MRI1: variants seen among roughly 807,000 people sequenced by gnomAD.
MRI1 encodes the protein methylthioribose-1-phosphate isomerase.
Under a neutral mutation model 27.3 loss-of-function variants are expected in MRI1, and 32 were observed. That is an observed-to-expected ratio of 1.17 (90% confidence interval 0.88 to 1.57). The LOEUF is 1.57. Among genes scored for constraint, MRI1 ranks in the 40% most tolerant of loss-of-function variants. The probability of loss-of-function intolerance (pLI) is 0.00; values close to 1 mark genes in which losing one functional copy is unlikely to be tolerated. For synonymous variants in MRI1, 216 were observed against 227.4 expected (o/e 0.95, Z 0.45); for missense variants, 508 against 516.1 (o/e 0.98, Z 0.15).
At chr19:13,767,244 A>G (rs1020888441) in intron 3 of MRI1, among the ~76,000 whole-genome samples, 2 of 151,250 alleles carry the variant, frequency 1.3e-5, no homozygotes, top group African/African-American at 4.9e-5. Flanking sequence ...ACGGGGTTTC[A>G]CGACATTGGC....
At chr19:13,770,379 G>T (rs953797252) in intron 5 of MRI1, among the ~76,000 whole-genome samples, 1 of 152,022 alleles carries the variant, frequency 6.6e-6, no homozygotes, top group South Asian at 2.1e-4. Flanking sequence ...GAGGTCAGGC[G>T]TTCCAGACCA....
Position 13,769,032 on chromosome 19 carries a change from C to A in MRI1, c.933C>A (p.Val311=), listed in dbSNP as rs1004119573. ...PGQELTDVNG[V]RIAAPGIGVW... ...AGGAGCTGACCGATGTTAATGGGGTCCGGATTGCAGCACCTGGTAAGCTGC... is the reference window on the plus strand; with the variant it reads ...AGGAGCTGACCGATGTTAATGGGGTACGGATTGCAGCACCTGGTAAGCTGC... Residue 311 remains valine (V), a synonymous_variant, in exon 5 of 6, where the codon GTC becomes GTA. Coordinates refer to ENST00000040663, the MANE Select transcript of MRI1 (RefSeq NM_001031727.4). 1.9e-6 allele frequency: 3 copies of A among 1,609,832 alleles called. No individual in the cohort carries two copies. Among genetic ancestry groups the A allele is most frequent in the African/African-American group, 2.7e-5 (2 of 74,874 alleles).
chr19:13,771,964 A>G (rs1001007266), intron 5 of MRI1, among the ~76,000 whole-genome samples, 157 bp from the exon 6 acceptor site: 2 of 152,216 alleles, frequency 1.3e-5, no homozygotes, highest in African/African-American at 4.8e-5. Context: ...TATTGAGTAC[A>G]ATGTCCATGC....
chr19:13,772,086 T>C, intron 5 of MRI1, 35 bp from the exon 6 acceptor site: 1 of 1,567,590 alleles, frequency 6.4e-7, no homozygotes, highest in East Asian at 2.3e-5. Flanking sequence ...CAGAAGCAAA[T>C]TCTTGCCTCC....
In MRI1 at chr19:13,768,582, G is replaced by A. The variant is rs1354117594; in HGVS notation, c.569G>A (p.Ser190Asn). 7 of 1,608,872 alleles carry A rather than the reference G, an allele frequency of 4.4e-6. No homozygotes were observed. Among genetic ancestry groups the A allele is most frequent in the Non-Finnish European group, 5.1e-6 (6 of 1,178,312 alleles). ...TALGVIRSLH[S>N]LGRLEHAFCT... ...GCAGGTGTGATTCGCTCACTGCACA[G>A]CCTGGGCCGCCTGGAGCATGCCTTC... The change falls in exon 4 of 6, where the codon AGC (serine) becomes AAC (asparagine). Residue 190 changes from serine (S) to asparagine (N), a missense_variant. Coordinates refer to ENST00000040663, the MANE Select transcript of MRI1 (RefSeq NM_001031727.4).
chr19:13,768,487 A>C (rs1599554504), intron 3 of MRI1, 74 bp from the exon 4 acceptor site: 1 of 1,588,370 alleles, frequency 6.3e-7, no homozygotes, highest in African/African-American at 1.3e-5. Context: ...AGGAGCCTGC[A>C]CCCCTAACCA....
At chr19:13,766,851 G>A (rs1000498029) in intron 3 of MRI1, among the ~76,000 whole-genome samples, 1 of 151,556 alleles carries the variant, frequency 6.6e-6, no homozygotes. Context: ...GGGTCCCAGG[G>A]AAGCAGAAGG....
At chr19:13,768,361 G>A (rs773659295) in intron 3 of MRI1, 200 bp from the exon 4 acceptor site, 15 of 1,431,792 alleles carry the variant, frequency 1.0e-5, no homozygotes, top group Admixed American at 9.8e-5. Context: ...TTAAACAGAC[G>A]TGAAACGGAG....
intron 5 of MRI1, among the ~76,000 whole-genome samples, chr19:13,771,436 C>T (rs1974266711): frequency 6.6e-6 from 1 of 152,052 alleles, no homozygotes; most frequent in African/African-American, 2.4e-5. Flanking sequence ...GAGGCTGCAG[C>T]AGGAGAATCG....
In MRI1 at chr19:13,764,992, T is replaced by C; in HGVS notation, c.254T>C (p.Phe85Ser). The change falls in exon 2 of 6, where the codon TTC becomes TCC. Residue 85 changes from phenylalanine to serine, a missense_variant. Phe to Ser is a radical substitution (Grantham distance 155, BLOSUM62 -2). Around this residue, in one of 3 missense-constraint regions of MRI1, gnomAD observed 457 missense variants for 452.8 expected, o/e 1.01. Transcript: ENST00000040663. ...LVAFVRDKLS[F>S]LVTARPTAVN... ...GCCTTCGTGCGCGACAAGCTGAGCT[T>C]CCTCGTCACCGCCCGGCCCACCGCT... The C allele has an allele frequency of 6.6e-7, 1 of 1,521,480 alleles. No individual in the cohort carries two copies. The allele number at this position is 1,521,480 out of a possible 1,614,324, so 94.2% of individuals were successfully genotyped here. A position where few individuals can be genotyped will look rare whatever the true frequency, so the allele number is the denominator to read the frequency against.
At chr19:13,770,314 G>C (rs1350144934) in intron 5 of MRI1, among the ~76,000 whole-genome samples, 3 of 152,192 alleles carry the variant, frequency 2.0e-5, no homozygotes, top group Non-Finnish European at 2.9e-5. Context: ...CTCAGATGCC[G>C]TGGCTCACGC....
At position 13,768,844 on chromosome 19, in the gene MRI1, C is replaced by T. The variant is rs879090102; in HGVS notation, c.745C>T (p.Arg249Cys). The T allele has an allele frequency of 3.1e-6, 5 of 1,609,622 alleles. No individual in the cohort carries two copies. The highest frequency in any genetic ancestry group is 4.5e-5 in the East Asian group (2 of 44,762). ...CCCAGCTGTGGTCGTGGGAGCTGAC[C>T]GCGTGGTTGCCAACGGCGACACAGC... ...GVSAVVVGAD[R>C]VVANGDTANK... The change falls in exon 5 of 6, where the codon CGC becomes TGC. Residue 249 changes from arginine (R) to cysteine (C), a missense_variant. Around this residue, in one of 3 missense-constraint regions of MRI1, gnomAD observed 457 missense variants for 452.8 expected, o/e 1.01. Coordinates refer to ENST00000040663, the MANE Select transcript of MRI1 (RefSeq NM_001031727.4).
chr19:13,772,104 C>A lies in MRI1; in HGVS notation c.950-17C>A. The A allele has an allele frequency of 6.3e-7, 1 of 1,583,096 alleles. No homozygotes were observed. Among genetic ancestry groups the A allele is most frequent in the Non-Finnish European group, 8.6e-7 (1 of 1,164,344 alleles). On this transcript the variant is annotated splice_polypyrimidine_tract_variant and intron_variant, in intron 5 of 5. Coordinates refer to ENST00000040663, the MANE Select transcript of MRI1 (RefSeq NM_001031727.4). The stretch of plus-strand genomic sequence containing the variant: ...AAGCAAATTCTTGCCTCCTTGCCTC[C>A]CCTCTCTCCCCTGCAGGGATTGGAG...
rs1974304144 is a variant in MRI1 at position 13,773,057 on chromosome 19, G to A, written c.*776G>A. The A allele has an allele frequency of 1.3e-5, 2 of 151,012 alleles. No individual in the cohort carries two copies. The highest frequency in any genetic ancestry group is 2.9e-5 in the Non-Finnish European group (2 of 67,824). The allele number at this position is 151,012 out of a possible 1,614,324, so 9.4% of individuals were successfully genotyped here. On this transcript the variant is annotated 3_prime_UTR_variant, in exon 6 of 6. Transcript: ENST00000040663. ...TCAAGTATCACTCGTTACCCAGGCTGGAATGTAGAGGCGAGATCTCAGCTC... is the reference window on the plus strand; with the variant it reads ...TCAAGTATCACTCGTTACCCAGGCTAGAATGTAGAGGCGAGATCTCAGCTC...
chr19:13,771,798 A>T (rs1329903251), intron 5 of MRI1, among the ~76,000 whole-genome samples: 1 of 152,182 alleles, frequency 6.6e-6, no homozygotes, highest in African/African-American at 2.4e-5. Context: ...TGGAGGTTGC[A>T]GTGAACCAAG....
At chr19:13,767,584 C>T (rs955609395) in intron 3 of MRI1, among the ~76,000 whole-genome samples, 8 of 151,874 alleles carry the variant, frequency 5.3e-5, no homozygotes, top group African/African-American at 1.9e-4. Flanking sequence ...GTGGGCGGAT[C>T]GCTTGAGCTC....
At chr19:13,768,417 C>G in intron 3 of MRI1, 144 bp from the exon 4 acceptor site, 1 of 1,552,118 alleles carries the variant, frequency 6.4e-7, no homozygotes, top group Non-Finnish European at 8.7e-7. Context: ...GGAACTGCCA[C>G]TGCGAGGGCC....
At position 13,764,767 on chromosome 19, in the gene MRI1, CGGGG is replaced by C; in HGVS notation, c.132+48_132+51del. 1.9e-5 allele frequency: 5 copies of C among 264,214 alleles called. 1 individual carries two copies. The highest frequency in any genetic ancestry group is 1.4e-4 in the African/African-American group (3 of 21,298). 16.4% of individuals were successfully genotyped at this position (264,214 alleles called of 1,614,324 possible). A position where few individuals can be genotyped will look rare whatever the true frequency, so the allele number is the denominator to read the frequency against. ...GCGGGGCGGCGGGGCGGCGGGGCGGCGGGGCGGCGGGGCGGCGGGGCGGCGGGGC... is the reference window on the plus strand; with the variant it reads ...GCGGGGCGGCGGGGCGGCGGGGCGGCCGGCGGGGCGGCGGGGCGGCGGGGC... On this transcript the variant is annotated intron_variant, in intron 1 of 5. Transcript: ENST00000040663.
intron 2 of MRI1, 39 bp from the exon 3 acceptor site, chr19:13,765,915 G>T: frequency 6.4e-7 from 1 of 1,553,688 alleles, no homozygotes; most frequent in Non-Finnish European, 8.7e-7. Flanking sequence ...TGGGCCCCGG[G>T]TCCTGGTGGC....
Sources: gnomAD v4.1 joint callset for allele counts (sites outside exome capture counted in the v4.1 genomes callset) on GRCh38, gnomAD v4.1.1 for gene constraint, gnomAD v4.1.1 regional missense constraint, MANE v1.5 for transcripts, NCBI Gene and HGNC (gene_info 2026-07-23, HGNC 2026-07-21) for gene names.